The following MARCHF1 variants were observed in gnomAD, a reference collection of about 807,000 sequenced individuals.
MARCHF1 encodes the protein membrane associated ring-CH-type finger 1.
A neutral mutation model predicts 54.2 loss-of-function variants in MARCHF1; 40 were observed. That is an observed-to-expected ratio of 0.74 (90% CI 0.57 to 0.96). The LOEUF (loss-of-function observed/expected upper bound fraction) is 0.96. MARCHF1 is among the 40% of genes least tolerant of loss of function. The probability of loss-of-function intolerance (pLI) is 0.00; values close to 1 mark genes in which losing one functional copy is unlikely to be tolerated. For synonymous variants in MARCHF1, 236 were observed against 236.3 expected, an observed-to-expected ratio of 1.00 and a Z score of 0.01; for missense variants, 586 against 656.5, an observed-to-expected ratio of 0.89 and a Z score of 1.17.
At chr4:164,375,214 C>A (rs557862727) in intron 1 of MARCHF1, among the ~76,000 whole-genome samples, 49 of 152,120 alleles carry the variant, frequency 3.2e-4, no homozygotes, top group Middle Eastern at 3.4e-3. Flanking sequence ...TCTAATAGAC[C>A]TTTGTGTGTT....
intron 4 of MARCHF1, among the ~76,000 whole-genome samples, chr4:163,852,106 G>A (rs1027444409): frequency 4.6e-5 from 7 of 152,054 alleles, no homozygotes; most frequent in Non-Finnish European, 8.8e-5. Flanking sequence ...ATTTAAATGT[G>A]AAGAAAATGT....
chr4:164,333,088 A>G (rs1276089542), intron 1 of MARCHF1, among the ~76,000 whole-genome samples: 2 of 152,100 alleles, frequency 1.3e-5, no homozygotes, highest in African/African-American at 4.8e-5. Context: ...AGGAGTGTGA[A>G]AAAAAAGAAA....
At chr4:163,563,736 G>A (rs1476947206) in intron 8 of MARCHF1, among the ~76,000 whole-genome samples, 5 of 152,150 alleles carry the variant, frequency 3.3e-5, no homozygotes, top group Non-Finnish European at 7.3e-5. Flanking sequence ...ATTAAATGGG[G>A]CTACGTATGT....
chr4:163,782,092 T>C (rs1747481354), intron 4 of MARCHF1, among the ~76,000 whole-genome samples: 1 of 147,450 alleles, frequency 6.8e-6, no homozygotes, highest in South Asian at 2.3e-4. Context: ...CTACAGTTTC[T>C]TGAGGGATAT....
At chr4:164,298,108 A>G (rs1334430324) in intron 1 of MARCHF1, among the ~76,000 whole-genome samples, 1 of 152,144 alleles carries the variant, frequency 6.6e-6, no homozygotes, top group Non-Finnish European at 1.5e-5. Context: ...AAAGACCCTG[A>G]GCTTCATTGC....
intron 1 of MARCHF1, among the ~76,000 whole-genome samples, chr4:164,212,407 A>T (rs1731801534): frequency 6.6e-6 from 1 of 151,846 alleles, no homozygotes; most frequent in Non-Finnish European, 1.5e-5. Context: ...CTGTCTTCAG[A>T]GCTTAGGCTC....
At chr4:164,329,030 G>C (rs1205806501) in intron 1 of MARCHF1, among the ~76,000 whole-genome samples, 3 of 152,094 alleles carry the variant, frequency 2.0e-5, no homozygotes, top group African/African-American at 7.2e-5. Flanking sequence ...GTAATGCATT[G>C]TATAAATATC....
intron 4 of MARCHF1, among the ~76,000 whole-genome samples, chr4:163,786,640 G>T (rs1431963416): frequency 6.6e-6 from 1 of 151,822 alleles, no homozygotes; most frequent in African/African-American, 2.4e-5. Context: ...ATCAAAAAAA[G>T]TTTAGTTGGA....
At chr4:163,662,483 C>T (rs923451821) in intron 5 of MARCHF1, among the ~76,000 whole-genome samples, 1 of 151,550 alleles carries the variant, frequency 6.6e-6, no homozygotes, top group Non-Finnish European at 1.5e-5. Context: ...TTTATTTCTG[C>T]TCTCATATTT....
intron 5 of MARCHF1, among the ~76,000 whole-genome samples, chr4:163,631,258 T>C (rs1742067186): frequency 6.6e-6 from 1 of 151,554 alleles, no homozygotes; most frequent in African/African-American, 2.4e-5. Context: ...AGTGGTGTGA[T>C]CTCGGCTCAC....
At chr4:163,911,680 A>G (rs1265547076) in intron 3 of MARCHF1, among the ~76,000 whole-genome samples, 3 of 152,086 alleles carry the variant, frequency 2.0e-5, no homozygotes, top group African/African-American at 7.2e-5. Context: ...TGAGAAAAAA[A>G]CCTTTAAAAG....
chr4:164,360,948 A>G (rs1730705813), intron 1 of MARCHF1, among the ~76,000 whole-genome samples: 1 of 139,650 alleles, frequency 7.2e-6, no homozygotes, highest in Admixed American at 7.1e-5. Flanking sequence ...ACTGATATGC[A>G]TGGGTTCTGT....
chr4:163,567,169 G>A (rs1739672040), intron 8 of MARCHF1, among the ~76,000 whole-genome samples: 1 of 151,942 alleles, frequency 6.6e-6, no homozygotes, highest in Non-Finnish European at 1.5e-5. Context: ...ATTCAGTGAA[G>A]AATAAAATCT....
chr4:163,787,211 GA>G (rs1224181923), intron 4 of MARCHF1, among the ~76,000 whole-genome samples: 1 of 151,320 alleles, frequency 6.6e-6, no homozygotes, highest in African/African-American at 2.4e-5. Context: ...GACAACAAAA[GA>G]AAAAAATGGA....
At chr4:164,245,093 C>T (rs1472285377) in intron 1 of MARCHF1, among the ~76,000 whole-genome samples, 1 of 152,166 alleles carries the variant, frequency 6.6e-6, no homozygotes, top group African/African-American at 2.4e-5. Context: ...AGGGAACCCT[C>T]CCTAACTCAT....
intron 4 of MARCHF1, among the ~76,000 whole-genome samples, chr4:163,841,857 C>A (rs1218242289): frequency 1.3e-5 from 2 of 152,082 alleles, no homozygotes; most frequent in South Asian, 2.1e-4. Flanking sequence ...CTGTAGGCTG[C>A]ATCAAACACA....
At chr4:164,115,299 A>G (rs1472384163) in intron 1 of MARCHF1, among the ~76,000 whole-genome samples, 1 of 152,076 alleles carries the variant, frequency 6.6e-6, no homozygotes, top group African/African-American at 2.4e-5. Flanking sequence ...ACAGTGTTAG[A>G]TATTTATAAT....
intron 3 of MARCHF1, among the ~76,000 whole-genome samples, chr4:163,936,023 C>T (rs1159299484): frequency 2.6e-5 from 4 of 151,982 alleles, no homozygotes; most frequent in South Asian, 2.1e-4. Context: ...TAGTGGCTAT[C>T]GTATGGTAAT....
intron 1 of MARCHF1, among the ~76,000 whole-genome samples, chr4:164,376,537 A>C (rs966001707): frequency 6.6e-6 from 1 of 152,104 alleles, no homozygotes; most frequent in East Asian, 1.9e-4. Context: ...AACCAGGGAG[A>C]GAGTAAAGGC....
Sources: allele counts gnomAD v4.1 joint callset (sites outside exome capture counted in the v4.1 genomes callset), GRCh38; gene constraint gnomAD v4.1.1; transcripts MANE v1.5; gene names NCBI Gene and HGNC (gene_info 2026-07-23, HGNC 2026-07-21).